ADAMTSL1: variants seen among roughly 807,000 people sequenced by gnomAD.
The protein encoded by ADAMTSL1 is ADAMTS-like protein 1.
ADAMTSL1 carries 126 observed loss-of-function variants against 201.8 expected under a neutral mutation model. That is an observed-to-expected ratio of 0.62 (90% confidence interval 0.54 to 0.72). The LOEUF (loss-of-function observed/expected upper bound fraction) is 0.72, where lower values mean the gene tolerates loss of function less well. Among genes scored for constraint, ADAMTSL1 ranks in the 30% least tolerant of loss-of-function variants. The pLI, the probability that ADAMTSL1 is intolerant of heterozygous loss-of-function variation, is 0.00. For synonymous variants in ADAMTSL1, 1,121 were observed against 903.4 expected, an observed-to-expected ratio of 1.24 and a Z score of -4.32; for missense variants, 2,679 against 2,277.8, an observed-to-expected ratio of 1.18 and a Z score of -3.59.
At chr9:17,918,130 TTTG>T (rs1466744766) in intron 1 of ADAMTSL1, among the ~76,000 whole-genome samples, 4 of 151,874 alleles carry the variant, frequency 2.6e-5, no homozygotes, top group African/African-American at 9.7e-5. Flanking sequence ...TGAATTTTTC[TTTG>T]TTGTTTTTGT....
chr9:18,191,191 A>T (rs72701540), intron 2 of ADAMTSL1, among the ~76,000 whole-genome samples: 5 of 152,002 alleles, frequency 3.3e-5, no homozygotes, highest in African/African-American at 1.2e-4. Flanking sequence ...CCAGGCAGTC[A>T]TCTGGTCCCG....
At chr9:18,855,120 T>C (rs959599140) in intron 23 of ADAMTSL1, among the ~76,000 whole-genome samples, 8 of 152,290 alleles carry the variant, frequency 5.3e-5, no homozygotes, top group African/African-American at 1.9e-4. Context: ...GATTTGGGTT[T>C]TCCATTCCAC....
rs570204611 is a variant in ADAMTSL1, at chr9:18,021,663, T to A, written c.87+114741T>A. The stretch of plus-strand genomic sequence containing the variant: ...AATAAAAGTTACTTAGTTATATAAC[T>A]GCTCAGATGATTGTATTTAAAAGGA... On this transcript the variant is annotated intron_variant, in intron 1 of 29. Transcript: ENST00000680146. 6.6e-5 allele frequency among the ~76,000 whole-genome samples: 10 copies of A among 152,304 alleles called. 1 individual carries two copies. The highest frequency in any genetic ancestry group is 2.4e-4 in the African/African-American group (10 of 41,588).
At chr9:17,929,478 G>T (rs944754172) in intron 1 of ADAMTSL1, among the ~76,000 whole-genome samples, 4 of 151,966 alleles carry the variant, frequency 2.6e-5, no homozygotes, top group African/African-American at 9.7e-5. Flanking sequence ...GAATATCAAG[G>T]CCTTGCCTGA....
At chr9:18,489,525 T>G (rs150503905) in intron 1 of ADAMTSL1, among the ~76,000 whole-genome samples, 4 of 152,218 alleles carry the variant, frequency 2.6e-5, no homozygotes, top group African/African-American at 9.6e-5. Flanking sequence ...CACTTTTCAT[T>G]CAAAAAATAG....
At chr9:18,401,071 G>C (rs371383549) in intron 2 of ADAMTSL1, among the ~76,000 whole-genome samples, 6 of 152,328 alleles carry the variant, frequency 3.9e-5, no homozygotes, top group African/African-American at 1.4e-4. Flanking sequence ...AAAGTGGAGA[G>C]AGACTGTGGC....
intron 2 of ADAMTSL1, among the ~76,000 whole-genome samples, chr9:18,466,617 T>C (rs1821015591): frequency 6.6e-6 from 1 of 152,130 alleles, no homozygotes; most frequent in African/African-American, 2.4e-5. Context: ...TATATGCAAT[T>C]TTATTTGTCA....
chr9:18,012,537 G>A (rs759845623), intron 1 of ADAMTSL1, among the ~76,000 whole-genome samples: 1 of 152,034 alleles, frequency 6.6e-6, no homozygotes, highest in Admixed American at 6.6e-5. Flanking sequence ...CCCAAGACTC[G>A]TACGTGAACA....
At chr9:18,380,369 C>T (rs578011975) in intron 2 of ADAMTSL1, among the ~76,000 whole-genome samples, 8 of 151,726 alleles carry the variant, frequency 5.3e-5, no homozygotes, top group Admixed American at 2.6e-4. Context: ...GCAGAATGAA[C>T]GGAAGATATG....
At chr9:18,417,154 A>G (rs1723584185) in intron 2 of ADAMTSL1, among the ~76,000 whole-genome samples, 2 of 152,036 alleles carry the variant, frequency 1.3e-5, no homozygotes, top group East Asian at 1.9e-4. Flanking sequence ...AAATGAAATA[A>G]CCATTGCTAA....
chr9:18,291,716 TTCTCTCTCTC>T (rs766379106), intron 2 of ADAMTSL1, among the ~76,000 whole-genome samples: 9 of 114,578 alleles, frequency 7.9e-5, no homozygotes, highest in Non-Finnish European at 1.1e-4. Context: ...CTCTCTCTCT[TTCTCTCTCTC>T]TCTCTCTCTC....
chr9:18,102,654 G>C (rs1363415885), intron 1 of ADAMTSL1, among the ~76,000 whole-genome samples: 1 of 152,210 alleles, frequency 6.6e-6, no homozygotes, highest in African/African-American at 2.4e-5. Flanking sequence ...GGGCTGGTTT[G>C]TGCAAAGGTA....
At chr9:18,030,833 A>T (rs1820920823) in intron 1 of ADAMTSL1, among the ~76,000 whole-genome samples, 1 of 152,098 alleles carries the variant, frequency 6.6e-6, no homozygotes, top group African/African-American at 2.4e-5. Flanking sequence ...ACATAATCCC[A>T]TATTTTTGGA....
intron 1 of ADAMTSL1, among the ~76,000 whole-genome samples, chr9:18,116,762 A>C (rs142614347): frequency 0.017 from 2,545 of 152,324 alleles, 81 homozygotes; most frequent in African/African-American, 0.058. Context: ...CATGTGCACA[A>C]CGTGCAGGTT....
intron 2 of ADAMTSL1, among the ~76,000 whole-genome samples, chr9:18,295,193 T>C (rs1341947221): frequency 2.0e-5 from 3 of 152,122 alleles, no homozygotes; most frequent in Admixed American, 1.3e-4. Context: ...AGTTCATTAA[T>C]TGTGGCAATG....
chr9:18,561,370 A>T (rs2132281304), intron 3 of ADAMTSL1, among the ~76,000 whole-genome samples: 1 of 152,248 alleles, frequency 6.6e-6, no homozygotes. Flanking sequence ...CTTAAGTTCT[A>T]ATTTGATTGC....
chr9:18,077,065 G>C, intron 1 of ADAMTSL1, among the ~76,000 whole-genome samples: 1 of 152,176 alleles, frequency 6.6e-6, no homozygotes, highest in East Asian at 1.9e-4. Flanking sequence ...TGGGAAGAGT[G>C]AAAGAGAAGC....
intron 23 of ADAMTSL1, among the ~76,000 whole-genome samples, chr9:18,867,499 T>C: frequency 6.6e-6 from 1 of 152,240 alleles, no homozygotes. Flanking sequence ...ATAAACCTGA[T>C]GGTATATAAG....
At chr9:18,193,589 A>C (rs1033060059) in intron 2 of ADAMTSL1, among the ~76,000 whole-genome samples, 1 of 152,148 alleles carries the variant, frequency 6.6e-6, no homozygotes, top group African/African-American at 2.4e-5. Flanking sequence ...ATGTGAGGAC[A>C]TGAAAGGAAG....
Sources: gnomAD v4.1 joint callset for allele counts (sites outside exome capture counted in the v4.1 genomes callset) on GRCh38, gnomAD v4.1.1 for gene constraint, MANE v1.5 for transcripts, NCBI Gene and HGNC (gene_info 2026-07-23, HGNC 2026-07-21) for gene names.